CACNB4: variants seen among roughly 807,000 people sequenced by gnomAD.
The protein encoded by CACNB4 is calcium voltage-gated channel auxiliary subunit beta 4, also known as voltage-dependent L-type calcium channel subunit beta-4.
In CACNB4, 32 loss-of-function variants were observed where a neutral mutation model predicts 71.2. That is an observed-to-expected ratio of 0.45 (90% CI 0.34 to 0.60). The LOEUF is 0.60. CACNB4 is among the 20% of genes least tolerant of loss of function. The probability of loss-of-function intolerance (pLI) is 0.01; values close to 1 mark genes in which losing one functional copy is unlikely to be tolerated. For missense variants in CACNB4, 464 were observed against 647.9 expected, an observed-to-expected ratio of 0.72 and a Z score of 3.08; for synonymous variants, 231 against 236.9, an observed-to-expected ratio of 0.97 and a Z score of 0.23.
intron 2 of CACNB4, among the ~76,000 whole-genome samples, chr2:151,995,458 T>C (rs1237348679): frequency 6.6e-6 from 1 of 152,190 alleles, no homozygotes; most frequent in Non-Finnish European, 1.5e-5. Context: ...ATACACAAAA[T>C]GATTCAAAGC....
intron 2 of CACNB4, among the ~76,000 whole-genome samples, chr2:151,986,633 T>C (rs1681384734): frequency 6.6e-6 from 1 of 152,218 alleles, no homozygotes; most frequent in South Asian, 2.1e-4. Flanking sequence ...CTTGATTTAC[T>C]TTCAGAGCTA....
At chr2:151,925,910 G>A (rs1200722305) in intron 2 of CACNB4, among the ~76,000 whole-genome samples, 1 of 152,134 alleles carries the variant, frequency 6.6e-6, no homozygotes, top group Non-Finnish European at 1.5e-5. Flanking sequence ...TAGAAGAATC[G>A]ACATACCACT....
At chr2:151,875,996 G>A (rs2099846118) in intron 5 of CACNB4, among the ~76,000 whole-genome samples, 1 of 145,706 alleles carries the variant, frequency 6.9e-6, no homozygotes, top group African/African-American at 2.5e-5. Context: ...CTCCCTCCCG[G>A]ACGGGGCGGC....
intron 2 of CACNB4, among the ~76,000 whole-genome samples, chr2:152,084,094 G>A (rs1219621646): frequency 1.3e-5 from 2 of 152,160 alleles, no homozygotes; most frequent in Non-Finnish European, 1.5e-5. Context: ...CGTGTGGGTC[G>A]ACATGAATGA....
intron 2 of CACNB4, among the ~76,000 whole-genome samples, chr2:151,908,850 C>T (rs112417623): frequency 3.3e-5 from 5 of 152,048 alleles, no homozygotes; most frequent in African/African-American, 1.2e-4. Flanking sequence ...AAATCCCATG[C>T]CCTAAGTGTT....
chr2:151,954,289 G>C (rs1210295994), intron 2 of CACNB4, among the ~76,000 whole-genome samples: 1 of 152,184 alleles, frequency 6.6e-6, no homozygotes. Flanking sequence ...AAAAATTAAG[G>C]CTATGAATTA....
In CACNB4 at chr2:151,837,033, A is replaced by G. The variant is rs947037001; in HGVS notation, c.*2086T>C. ...CATGCAAGTATGTGCTGTACATGTA[A>G]TAAATATATTTTTGTTTGCTGGAAG... On this transcript the variant is annotated 3_prime_UTR_variant, in exon 14 of 14. Transcript: ENST00000539935. The G allele has an allele frequency of 5.3e-5, 8 of 151,986 alleles. No individual in the cohort carries two copies. Among genetic ancestry groups the G allele is most frequent in the African/African-American group, 1.9e-4 (8 of 41,446 alleles). 9.4% of individuals were successfully genotyped at this position (151,986 alleles called of 1,614,324 possible).
intron 2 of CACNB4, among the ~76,000 whole-genome samples, chr2:152,046,619 A>C (rs1685153542): frequency 6.6e-6 from 1 of 152,168 alleles, no homozygotes; most frequent in South Asian, 2.1e-4. Context: ...GACCACTGGA[A>C]GTCCACACCT....
intron 2 of CACNB4, among the ~76,000 whole-genome samples, chr2:151,960,680 G>A (rs1452967257): frequency 1.3e-5 from 2 of 152,164 alleles, no homozygotes; most frequent in Non-Finnish European, 2.9e-5. Flanking sequence ...ACCAGTCAAG[G>A]GTTAGTGCTC....
chr2:151,902,148 C>A (rs930650050), intron 2 of CACNB4, among the ~76,000 whole-genome samples: 1 of 151,130 alleles, frequency 6.6e-6, no homozygotes, highest in South Asian at 2.1e-4. Flanking sequence ...GATCCTCTCA[C>A]CTAAACTTTT....
intron 2 of CACNB4, among the ~76,000 whole-genome samples, chr2:151,950,892 G>A (rs1021775455): frequency 3.3e-5 from 5 of 152,134 alleles, no homozygotes; most frequent in African/African-American, 1.2e-4. Context: ...TAGAGGTGGT[G>A]GTCAGACAAT....
At chr2:152,039,185 G>A (rs1026863648) in intron 2 of CACNB4, among the ~76,000 whole-genome samples, 2 of 152,132 alleles carry the variant, frequency 1.3e-5, no homozygotes, top group Non-Finnish European at 2.9e-5. Flanking sequence ...CTGGGAGGCC[G>A]AGGCCGATGG....
At chr2:151,873,244 T>C (rs530416017) in intron 5 of CACNB4, 1 of 152,338 alleles carries the variant, frequency 6.6e-6, no homozygotes, top group South Asian at 2.1e-4. Context: ...TAGTAGGACA[T>C]ATCAGTACAG....
chr2:151,848,848 A>G (rs1211349283), intron 12 of CACNB4, among the ~76,000 whole-genome samples: 4 of 152,230 alleles, frequency 2.6e-5, no homozygotes, highest in Admixed American at 2.0e-4. Flanking sequence ...TTATTACCAT[A>G]GTACTGGGGA....
At chr2:151,973,923 C>T in intron 2 of CACNB4, 5 of 1,346,398 alleles carry the variant, frequency 3.7e-6, no homozygotes, top group Non-Finnish European at 4.8e-6. Context: ...TTTTATCTGC[C>T]TTCCCAATAC....
At chr2:151,863,124 G>A (rs1175984935) in intron 9 of CACNB4, among the ~76,000 whole-genome samples, 3 of 151,834 alleles carry the variant, frequency 2.0e-5, no homozygotes, top group Non-Finnish European at 4.4e-5. Context: ...GGAGTGCAGT[G>A]GTGCAATCTT....
At chr2:151,883,695 T>C (rs1208089549) in intron 2 of CACNB4, 5 of 351,280 alleles carry the variant, frequency 1.4e-5, no homozygotes, top group Non-Finnish European at 2.2e-5. Flanking sequence ...TTAGTTTTCA[T>C]CCATCTTCTC....
Position 151,855,227 on chromosome 2 carries a change from T to C in CACNB4, c.1017A>G (p.Pro339=). ...AAGGCAGAAAGGAGCTAATTACCTTTGGAGATGAGACTTTTACATGAACAA... is the reference window on the plus strand; with the variant it reads ...AAGGCAGAAAGGAGCTAATTACCTTCGGAGATGAGACTTTTACATGAACAA... The part of the protein sequence containing the change: ...PIIVHVKVSS[P]KVLQRLIKSR... Residue 339 remains proline (P), a synonymous_variant, in exon 11 of 14, where the codon CCA becomes CCG. Coordinates refer to ENST00000539935, the MANE Select transcript of CACNB4 (RefSeq NM_000726.5). The C allele has an allele frequency of 2.0e-6, 3 of 1,532,302 alleles. No homozygotes were observed. Among genetic ancestry groups the C allele is most frequent in the Non-Finnish European group, 2.7e-6 (3 of 1,122,160 alleles). The allele number at this position is 1,532,302 out of a possible 1,614,324, so 94.9% of individuals were successfully genotyped here.
chr2:151,985,186 A>C (rs12618120), intron 2 of CACNB4, among the ~76,000 whole-genome samples: 1 of 152,002 alleles, frequency 6.6e-6, no homozygotes, highest in Non-Finnish European at 1.5e-5. Context: ...AAATATGATT[A>C]CTGTTAATAT....
Sources: allele counts gnomAD v4.1 joint callset (sites outside exome capture counted in the v4.1 genomes callset), GRCh38; gene constraint gnomAD v4.1.1; transcripts MANE v1.5; gene names NCBI Gene and HGNC (gene_info 2026-07-23, HGNC 2026-07-21).